SSBP1: variants seen among roughly 807,000 people sequenced by gnomAD.
SSBP1 encodes single-stranded DNA-binding protein, mitochondrial.
Under a neutral mutation model 27.0 loss-of-function variants are expected in SSBP1, and 20 were observed. That is an observed-to-expected ratio of 0.74 (90% CI 0.52 to 1.08). SSBP1 has a LOEUF of 1.08. Among genes scored for constraint, SSBP1 ranks in the 50% least tolerant of loss-of-function variants. The probability of loss-of-function intolerance (pLI) is 0.00; values close to 1 mark genes in which losing one functional copy is unlikely to be tolerated. For synonymous variants in SSBP1, 59 were observed against 59.3 expected (o/e 1.00, Z 0.02); for missense variants, 137 against 182.4 (o/e 0.75, Z 1.44).
At chr7:141,746,850 G>T (rs1365136841) in intron 6 of SSBP1, among the ~76,000 whole-genome samples, 1 of 152,086 alleles carries the variant, frequency 6.6e-6, no homozygotes, top group African/African-American at 2.4e-5. Context: ...ATTTTTAAAT[G>T]TATCAATGGA....
chr7:141,739,330 T>C lies in SSBP1; in HGVS notation c.24+140T>C, dbSNP rs138222366. 4.3e-3 allele frequency: 2,445 copies of C among 566,628 alleles called. 54 individuals carry two copies. The highest frequency in any genetic ancestry group is 0.041 in the East Asian group (1,351 of 32,640). 35.1% of individuals were successfully genotyped at this position (566,628 alleles called of 1,614,324 possible). On this transcript the variant is annotated intron_variant, in intron 2 of 6. Coordinates refer to ENST00000265304, the MANE Select transcript of SSBP1 (RefSeq NM_003143.3). ...CTCTATACTCATTTGATATGGAGGA[T>C]TGGGGACGATTTTGCCAGTGTAAAT...
At chr7:141,742,002 C>T (rs1354286736) in intron 2 of SSBP1, among the ~76,000 whole-genome samples, 167 bp from the exon 3 acceptor site, 1 of 152,150 alleles carries the variant, frequency 6.6e-6, no homozygotes, top group Non-Finnish European at 1.5e-5. Context: ...GAAGTGTTTG[C>T]CGGGGCCTTC....
rs750053920 is a variant in SSBP1 at position 141,743,694 on chromosome 7, C to T, written c.219C>T (p.Tyr73=). The T allele has an allele frequency of 8.3e-5, 134 of 1,614,048 alleles. 2 individuals are homozygous for T. In the Middle Eastern group the frequency reaches 1.3e-3, roughly 16 times the overall value. The change falls in exon 4 of 7, where the codon TAC becomes TAT. Residue 73 remains tyrosine, a synonymous_variant. Transcript: ENST00000265304. ...GGCGATCAGGGGATAGTGAAGTTTA[C>T]CAACTGGGTGAGTACAAAAGACTGG... ...EMWRSGDSEV[Y]QLGDVSQKTT...
chr7:141,748,023 T>C (rs936187191), intron 6 of SSBP1, among the ~76,000 whole-genome samples: 2 of 151,094 alleles, frequency 1.3e-5, no homozygotes, highest in African/African-American at 4.9e-5. Flanking sequence ...AAAAATTTTT[T>C]TTTTTTTACT....
intron 5 of SSBP1, 84 bp downstream of exon 5, chr7:141,744,073 C>A: frequency 8.3e-7 from 1 of 1,200,896 alleles, no homozygotes; most frequent in Non-Finnish European, 1.2e-6. Flanking sequence ...AGTGTGTAGT[C>A]TCTTAAATCC....
chr7:141,742,431 T>TTAC (rs1209639955), intron 3 of SSBP1, among the ~76,000 whole-genome samples: 1 of 152,212 alleles, frequency 6.6e-6, no homozygotes, highest in East Asian at 1.9e-4. Context: ...TATCAGCCAG[T>TTAC]TACTACTCAT....
At position 141,739,115 on chromosome 7, in the gene SSBP1, T is replaced by C. The variant is rs1318652524; in HGVS notation, c.-43-9T>C. The C allele has an allele frequency of 3.9e-6, 6 of 1,535,458 alleles. No homozygotes were observed. The African/African-American group carries it at 8.4e-5, about 21-fold the overall frequency. ...AATGTTTTTTTCTTATTTTGTTTTT[T>C]TCCTTCAGGAAAAGCCTAAAGATTA... On this transcript the variant is annotated splice_polypyrimidine_tract_variant and intron_variant, in intron 1 of 6. Transcript: ENST00000265304.
At chr7:141,742,917 C>T (rs924970711) in intron 3 of SSBP1, among the ~76,000 whole-genome samples, 8 of 152,084 alleles carry the variant, frequency 5.3e-5, no homozygotes, top group African/African-American at 1.4e-4. Flanking sequence ...TGCAGTGGCG[C>T]GGTCTCCGCT....
intron 2 of SSBP1, chr7:141,740,551 A>C (rs899794805): frequency 6.6e-6 from 1 of 152,154 alleles, no homozygotes; most frequent in African/African-American, 2.4e-5. Flanking sequence ...CTCAGCCCTA[A>C]ATGGGAATAA....
rs1488408091 is a variant in SSBP1 at position 141,740,376 on chromosome 7, T to C, written c.24+1186T>C. ...CTAGCTCTCTGAGCTCTGAATTCAG[T>C]GATGTGTACTCCCATCTTTACAGGA... is the stretch of plus-strand genomic sequence containing the variant. On this transcript the variant is annotated intron_variant, in intron 2 of 6. Transcript: ENST00000265304. The C allele has an allele frequency of 2.0e-5, 3 of 152,198 alleles. No homozygotes were observed. In the East Asian group the frequency reaches 5.8e-4, roughly 29 times the overall value. 9.4% of individuals were successfully genotyped at this position (152,198 alleles called of 1,614,324 possible). A position where few individuals can be genotyped will look rare whatever the true frequency, so the allele number is the denominator to read the frequency against.
chr7:141,749,104 C>T (rs1010525959), intron 6 of SSBP1, among the ~76,000 whole-genome samples: 14 of 151,864 alleles, frequency 9.2e-5, no homozygotes, highest in African/African-American at 2.9e-4. Flanking sequence ...AAAAAGAAAC[C>T]AATAAAAATA....
chr7:141,747,383 A>ATTTTTTTTTTTTTT (rs1320451586), intron 6 of SSBP1, among the ~76,000 whole-genome samples: 1 of 94,466 alleles, frequency 1.1e-5, no homozygotes, highest in East Asian at 3.4e-4. Context: ...CCCAAATTAG[A>ATTTTTTTTTTTTTT]TTTTTTTTTT....
At position 141,743,631 on chromosome 7, in the gene SSBP1, TC is replaced by T. The variant is rs1799654976; in HGVS notation, c.158del (p.Pro53GlnfsTer7). Reference protein sequence around the residue: ...PVLRQVEGKNPVTIFSLATNE... With the variant: ...PVLRQVEGKNXVTIFSLATNE... ...TCTTGAGACAGGTGGAAGGAAAAAA[TC>T]CAGTCACAATATTTTCTCTAGCAAC... is the stretch of plus-strand genomic sequence containing the variant. On this transcript the variant is annotated frameshift_variant, in exon 4 of 7. Transcript: ENST00000265304. LOFTEE classifies it high-confidence loss of function. The T allele has an allele frequency of 6.2e-7, 1 of 1,614,052 alleles. No homozygotes were observed. Among genetic ancestry groups the T allele is most frequent in the Non-Finnish European group, 8.5e-7 (1 of 1,180,000 alleles).
At position 141,750,302 on chromosome 7, in the gene SSBP1, T is replaced by G; in HGVS notation, c.404-9T>G. On this transcript the variant is annotated splice_polypyrimidine_tract_variant and intron_variant, in intron 6 of 6. Coordinates refer to ENST00000265304, the MANE Select transcript of SSBP1 (RefSeq NM_003143.3). ...TGAAATTAATATTTACATTTTGGCT[T>G]TTTTACAGATAATATTATATTTCTG... 6.3e-7 allele frequency: 1 copy of G among 1,588,708 alleles called. No homozygotes were observed. The highest frequency in any genetic ancestry group is 8.6e-7 in the Non-Finnish European group (1 of 1,168,160).
At chr7:141,739,716 T>G (rs1469478723) in intron 2 of SSBP1, 1 of 152,236 alleles carries the variant, frequency 6.6e-6, no homozygotes, top group Non-Finnish European at 1.5e-5. Context: ...CAGCTTAGAC[T>G]ACCATTTTTC....
intron 5 of SSBP1, among the ~76,000 whole-genome samples, chr7:141,745,293 T>A (rs1329986621): frequency 6.6e-6 from 1 of 152,216 alleles, no homozygotes; most frequent in African/African-American, 2.4e-5. Flanking sequence ...GAAAACATTG[T>A]CTGTTTTACC....
intron 3 of SSBP1, among the ~76,000 whole-genome samples, chr7:141,743,137 G>C (rs538669793): frequency 1.3e-4 from 20 of 152,208 alleles, no homozygotes; most frequent in South Asian, 4.1e-4. Context: ...ACAGGCGTGA[G>C]CCACCGCGCC....
chr7:141,742,051 C>G, intron 2 of SSBP1, 118 bp from the exon 3 acceptor site: 1 of 764,648 alleles, frequency 1.3e-6, no homozygotes, highest in Non-Finnish European at 2.1e-6. Context: ...AGCTTCTCTT[C>G]TCTTCTGGAA....
chr7:141,745,931 G>T, intron 6 of SSBP1: 5 of 1,025,058 alleles, frequency 4.9e-6, no homozygotes, highest in Non-Finnish European at 4.7e-6. Flanking sequence ...CGTATGCCAA[G>T]ATAAGAATTA....
Sources: allele counts gnomAD v4.1 joint callset (sites outside exome capture counted in the v4.1 genomes callset), GRCh38; gene constraint gnomAD v4.1.1; transcripts MANE v1.5; gene names NCBI Gene and HGNC (gene_info 2026-07-23, HGNC 2026-07-21).